The following FAM107B variants were observed in gnomAD, a reference collection of about 807,000 sequenced individuals.
FAM107B encodes the protein family with sequence similarity 107 member B.
A neutral mutation model predicts 31.5 loss-of-function variants in FAM107B; 21 were observed. That is an observed-to-expected ratio of 0.67 (90% CI 0.47 to 0.96). The LOEUF (loss-of-function observed/expected upper bound fraction) is 0.96. Among genes scored for constraint, FAM107B ranks in the 40% least tolerant of loss-of-function variants. The pLI is 0.00. For missense variants in FAM107B, 452 were observed against 377.1 expected (o/e 1.20, Z -1.64); for synonymous variants, 157 against 141.5 (o/e 1.11, Z -0.78).
intron 1 of FAM107B, among the ~76,000 whole-genome samples, chr10:14,674,591 G>A (rs1056380588): frequency 1.3e-5 from 2 of 152,148 alleles, no homozygotes; most frequent in African/African-American, 2.4e-5. Flanking sequence ...AGCACTTAGC[G>A]TGAGTACAAA....
chr10:14,737,498 T>C (rs1856328365), intron 1 of FAM107B, among the ~76,000 whole-genome samples: 1 of 151,824 alleles, frequency 6.6e-6, no homozygotes, highest in Non-Finnish European at 1.5e-5. Context: ...CCTGTAACCC[T>C]GGCTACTTGG....
intron 2 of FAM107B, among the ~76,000 whole-genome samples, chr10:14,637,080 G>A (rs1853518264): frequency 6.6e-6 from 1 of 152,100 alleles, no homozygotes; most frequent in South Asian, 2.1e-4. Context: ...ATTCTCAGGG[G>A]AGACTTTGTT....
chr10:14,774,152 A>T (rs1833366870), intron 1 of FAM107B, 101 bp downstream of exon 1: 3 of 1,430,130 alleles, frequency 2.1e-6, no homozygotes, highest in Non-Finnish European at 2.8e-6. Context: ...TGCCTTATTC[A>T]GTAAGGTTAA....
At chr10:14,665,733 T>C (rs1404464583) in intron 2 of FAM107B, among the ~76,000 whole-genome samples, 1 of 152,312 alleles carries the variant, frequency 6.6e-6, no homozygotes, top group East Asian at 1.9e-4. Flanking sequence ...AACTCCAATC[T>C]TCATTACAAG....
intron 2 of FAM107B, among the ~76,000 whole-genome samples, chr10:14,531,202 G>A (rs1359189519): frequency 1.3e-5 from 2 of 152,118 alleles, no homozygotes; most frequent in African/African-American, 4.8e-5. Flanking sequence ...TTCGCCCACC[G>A]CTGTGCCACA....
chr10:14,767,047 TATATATATAGAGAGAGAG>T (rs1374943335), intron 1 of FAM107B, among the ~76,000 whole-genome samples: 43 of 38,232 alleles, frequency 1.1e-3, no homozygotes, highest in East Asian at 6.6e-3. Context: ...TATATATATA[TATATATATAGAGAGAGAG>T]AGAGAGAGAG....
At chr10:14,694,312 G>T (rs1441055250) in intron 1 of FAM107B, among the ~76,000 whole-genome samples, 1 of 152,162 alleles carries the variant, frequency 6.6e-6, no homozygotes, top group African/African-American at 2.4e-5. Flanking sequence ...CATAATGGCT[G>T]CACCAACCTA....
chr10:14,761,011 CAAAAAAAAA>C (rs565835423), intron 1 of FAM107B, among the ~76,000 whole-genome samples: 856 of 77,722 alleles, frequency 0.011, 6 homozygotes, highest in African/African-American at 0.034. Flanking sequence ...GACTCCGTTT[CAAAAAAAAA>C]AAAAAAAAAA....
At chr10:14,578,503 G>GA (rs780331570) in intron 2 of FAM107B, among the ~76,000 whole-genome samples, 8 of 151,948 alleles carry the variant, frequency 5.3e-5, no homozygotes, top group Non-Finnish European at 8.8e-5. Context: ...CTTCACTGGG[G>GA]AAAAAAAAGA....
chr10:14,764,873 C>T (rs368420729), intron 1 of FAM107B, among the ~76,000 whole-genome samples: 51 of 152,282 alleles, frequency 3.3e-4, no homozygotes, highest in Non-Finnish European at 6.2e-4. Context: ...GCTATACACA[C>T]GTAGGTATTT....
chr10:14,746,273 T>G (rs1024292659), intron 1 of FAM107B, among the ~76,000 whole-genome samples: 1 of 152,216 alleles, frequency 6.6e-6, no homozygotes, highest in African/African-American at 2.4e-5. Context: ...TGTCTTTTAA[T>G]TGGGGCATTT....
At chr10:14,706,818 C>G (rs1855531071) in intron 1 of FAM107B, among the ~76,000 whole-genome samples, 1 of 152,138 alleles carries the variant, frequency 6.6e-6, no homozygotes, top group African/African-American at 2.4e-5. Flanking sequence ...TTGGATGATG[C>G]ACCCAACTAT....
intron 2 of FAM107B, chr10:14,571,937 G>C (rs992627069): frequency 1.0e-6 from 1 of 985,296 alleles, no homozygotes; most frequent in Non-Finnish European, 1.2e-6. Context: ...AGTAGATATA[G>C]GCAGGCTCCT....
chr10:14,637,018 T>C (rs1267853883), intron 2 of FAM107B, among the ~76,000 whole-genome samples: 2 of 152,166 alleles, frequency 1.3e-5, no homozygotes, highest in East Asian at 3.8e-4. Flanking sequence ...CATTATACTC[T>C]ATAGGTAAAC....
chr10:14,682,397 C>T (rs555262264), intron 1 of FAM107B, among the ~76,000 whole-genome samples: 8 of 152,096 alleles, frequency 5.3e-5, no homozygotes, highest in African/African-American at 1.2e-4. Context: ...GGCTTGGTGG[C>T]GCACGCCTGT....
intron 2 of FAM107B, among the ~76,000 whole-genome samples, chr10:14,582,884 G>A (rs950681448): frequency 7.9e-5 from 12 of 152,140 alleles, no homozygotes; most frequent in East Asian, 1.9e-4. Flanking sequence ...TCAGGAGTTC[G>A]AGATCGGCCT....
At chr10:14,765,344 G>A (rs552079085) in intron 1 of FAM107B, among the ~76,000 whole-genome samples, 1 of 152,260 alleles carries the variant, frequency 6.6e-6, no homozygotes, top group South Asian at 2.1e-4. Flanking sequence ...GTTGCCAATA[G>A]CCAAATCTGC....
intron 2 of FAM107B, among the ~76,000 whole-genome samples, chr10:14,593,470 G>A (rs1852083849): frequency 6.6e-6 from 1 of 152,056 alleles, no homozygotes; most frequent in Non-Finnish European, 1.5e-5. Context: ...TTGAGGCCAG[G>A]AATTCGAGAC....
chr10:14,660,382 G>C (rs982680321), intron 2 of FAM107B, among the ~76,000 whole-genome samples: 2 of 152,132 alleles, frequency 1.3e-5, no homozygotes. Flanking sequence ...ATGGCCACTA[G>C]AAAGAATGCA....
Sources: allele counts gnomAD v4.1 joint callset (sites outside exome capture counted in the v4.1 genomes callset), GRCh38; gene constraint gnomAD v4.1.1; transcripts MANE v1.5; gene names NCBI Gene and HGNC (gene_info 2026-07-23, HGNC 2026-07-21).